The following TNKS1BP1 variants were observed in gnomAD, a reference collection of about 807,000 sequenced individuals.
TNKS1BP1 encodes 182 kDa tankyrase-1-binding protein.
In TNKS1BP1, 48 loss-of-function variants were observed where a neutral mutation model predicts 141.1. That is an observed-to-expected ratio of 0.34 (90% CI 0.27 to 0.43). The LOEUF (loss-of-function observed/expected upper bound fraction) is 0.43, where lower values mean the gene tolerates loss of function less well. TNKS1BP1 is among the 20% of genes least tolerant of loss of function. The pLI, the probability that TNKS1BP1 is intolerant of heterozygous loss-of-function variation, is 1.00. For synonymous variants in TNKS1BP1, 875 were observed against 898.2 expected, an observed-to-expected ratio of 0.97 and a Z score of 0.46; for missense variants, 2,149 against 2,226.0, an observed-to-expected ratio of 0.97 and a Z score of 0.70.
At position 57,320,620 on chromosome 11, in the gene TNKS1BP1, C is replaced by T. The variant is rs866795796; in HGVS notation, c.187G>A (p.Val63Ile). Residue 63 changes from valine to isoleucine, a missense_variant, in exon 3 of 12, where the codon GTT becomes ATT. Transcript: ENST00000358252. ...LPAKPSLLVPVGPRPPRGPLA... is the reference protein window; with the variant it reads ...LPAKPSLLVPIGPRPPRGPLA... ...GGACCCCGGGGAGGCCGAGGCCCAACAGGCACCAGCAGGCTGGGTTTGGCA... is the reference window on the plus strand; with the variant it reads ...GGACCCCGGGGAGGCCGAGGCCCAATAGGCACCAGCAGGCTGGGTTTGGCA... 6.2e-7 allele frequency: 1 copy of T among 1,613,468 alleles called. No individual in the cohort carries two copies. The highest frequency in any genetic ancestry group is 1.3e-5 in the African/African-American group (1 of 74,934).
intron 3 of TNKS1BP1, among the ~76,000 whole-genome samples, 192 bp from the exon 4 acceptor site, chr11:57,318,079 C>G (rs982697143): frequency 6.6e-6 from 1 of 152,166 alleles, no homozygotes; most frequent in African/African-American, 2.4e-5. Flanking sequence ...GGCAAGTGCC[C>G]CAGAAAACAG....
chr11:57,306,920 T>TGGGGGGGGGGGGGGG (rs1565039405), intron 6 of TNKS1BP1, among the ~76,000 whole-genome samples: 2 of 31,040 alleles, frequency 6.4e-5, no homozygotes, highest in African/African-American at 1.4e-4. Flanking sequence ...GGGGGTTGGG[T>TGGGGGGGGGGGGGGG]GGGAGGGGGG....
rs368700131 is a variant in TNKS1BP1 at position 57,317,899 on chromosome 11, G to A, written c.729-12C>T. ...CGGAAGGAAGGCTCCTGTGAGGGAC[G>A]AGGACAGGAAATGGAAGCACGGAAT... On this transcript the variant is annotated splice_polypyrimidine_tract_variant and intron_variant, in intron 3 of 11. Coordinates refer to ENST00000358252, the MANE Select transcript of TNKS1BP1 (RefSeq NM_033396.3). 45 of 1,613,080 alleles carry A rather than the reference G, an allele frequency of 2.8e-5. No homozygotes were observed. The highest frequency in any genetic ancestry group is 2.7e-4 in the East Asian group (12 of 44,844).
In TNKS1BP1 at chr11:57,309,635, C is replaced by A. The variant is rs146283892; in HGVS notation, c.3076G>T (p.Gly1026Cys). ...TGGGCAGTGCTAGGACTGAACAAGC[C>A]CCCGGATCCTCTCTCTCCTGGCCGG... The part of the protein sequence containing the change: ...AGRPGERGSG[G>C]LFSPSTAHVP... Residue 1026 changes from glycine to cysteine, a missense_variant, in exon 6 of 12, where the codon GGC becomes TGC. Physicochemically the swap from Gly to Cys is radical, Grantham distance 159. Transcript: ENST00000358252. This position sits in a 1 kb window ranked among gnomAD's most constrained non-coding sequence, Gnocchi z 4.3. The A allele has an allele frequency of 3.0e-4, 484 of 1,614,178 alleles. 4 individuals are homozygous for A. The African/African-American group carries it at 5.7e-3, about 19-fold the overall frequency.
chr11:57,321,744 T>TGGGGCCCC, intron 2 of TNKS1BP1, 48 bp downstream of exon 2: 1 of 1,039,822 alleles, frequency 9.6e-7, no homozygotes, highest in Non-Finnish European at 1.5e-6. Context: ...CCTCTGTCCT[T>TGGGGCCCC]CCCACCCCCC....
At chr11:57,300,666 T>G in intron 10 of TNKS1BP1, 66 bp from the exon 11 acceptor site, 1 of 1,604,384 alleles carries the variant, frequency 6.2e-7, no homozygotes, top group South Asian at 1.1e-5. Flanking sequence ...CAAGGAGACG[T>G]GATAGGGACA....
chr11:57,306,264 C>T (rs761006259), intron 6 of TNKS1BP1, among the ~76,000 whole-genome samples: 1 of 139,928 alleles, frequency 7.1e-6, no homozygotes, highest in Non-Finnish European at 1.5e-5. Context: ...GGAGCCTGGG[C>T]GATAGACCAA....
intron 3 of TNKS1BP1, among the ~76,000 whole-genome samples, chr11:57,318,290 G>T (rs1565045968): frequency 1.3e-5 from 2 of 152,224 alleles, no homozygotes; most frequent in South Asian, 2.1e-4. Flanking sequence ...GAATTGCAGT[G>T]GGGGAGGGGA....
chr11:57,310,812 C>T (rs1855695440), intron 5 of TNKS1BP1, among the ~76,000 whole-genome samples: 1 of 152,146 alleles, frequency 6.6e-6, no homozygotes, highest in South Asian at 2.1e-4. Context: ...CAGCATAGTG[C>T]TTGGCATGCA....
chr11:57,312,590 T>C lies in TNKS1BP1; in HGVS notation c.2098A>G (p.Arg700Gly), dbSNP rs1167559567. 6 of 1,522,418 alleles carry C rather than the reference T, an allele frequency of 3.9e-6. No homozygotes were observed. The African/African-American group carries it at 7.0e-5, about 18-fold the overall frequency. The allele number at this position is 1,522,418 out of a possible 1,614,324, so 94.3% of individuals were successfully genotyped here. A position where few individuals can be genotyped will look rare whatever the true frequency, so the allele number is the denominator to read the frequency against. The change falls in exon 5 of 12, where the codon AGG (arginine) becomes GGG (glycine). Residue 700 changes from arginine to glycine, a missense_variant. Arg to Gly is a moderately radical substitution (Grantham distance 125). Transcript: ENST00000358252. ...TTCAGCTCAGCTCCAGCTCCCCGCC[T>C]TGCACCGCCACCACTGGGTGGTGGT... ...ASPPPSGGGARRGAGAELKDT... is the reference protein window; with the variant it reads ...ASPPPSGGGAGRGAGAELKDT...
intron 3 of TNKS1BP1, 131 bp from the exon 4 acceptor site, chr11:57,318,018 T>C (rs1855824089): frequency 2.5e-6 from 2 of 793,524 alleles, no homozygotes; most frequent in South Asian, 3.2e-5. Context: ...CATTTACTCT[T>C]GAGCCCTGCC....
chr11:57,317,552 G>C (rs1289401378), intron 4 of TNKS1BP1, among the ~76,000 whole-genome samples: 1 of 152,214 alleles, frequency 6.6e-6, no homozygotes, highest in East Asian at 1.9e-4. Flanking sequence ...CACATAGTAG[G>C]GACTTAATCA....
intron 5 of TNKS1BP1, chr11:57,311,239 C>T (rs1049148343): frequency 4.1e-6 from 4 of 985,530 alleles, no homozygotes; most frequent in African/African-American, 1.7e-5. Context: ...CTGACTCACC[C>T]TTGTGGGCGG....
Position 57,302,909 on chromosome 11 carries a change from C to T in TNKS1BP1, c.4317-84G>A. ...AGCCTACTTCACAAGCTCCTTCCCCCAGCCCCCAAACTCTCCCTTGCCCTC... is the reference window on the plus strand; with the variant it reads ...AGCCTACTTCACAAGCTCCTTCCCCTAGCCCCCAAACTCTCCCTTGCCCTC... On this transcript the variant is annotated intron_variant, in intron 6 of 11. Transcript: ENST00000358252. This position sits in a 1 kb window ranked among gnomAD's most constrained non-coding sequence, Gnocchi z 5.5. The T allele has an allele frequency of 7.1e-7, 1 of 1,411,180 alleles. No homozygotes were observed. The highest frequency in any genetic ancestry group is 1.6e-5 in the South Asian group (1 of 63,200). The allele number at this position is 1,411,180 out of a possible 1,614,324, so 87.4% of individuals were successfully genotyped here.
chr11:57,304,546 G>A (rs150065976), intron 6 of TNKS1BP1, among the ~76,000 whole-genome samples: 3,784 of 152,230 alleles, frequency 0.025, 69 homozygotes, highest in Middle Eastern at 0.055. Context: ...CCCTGGGGTG[G>A]GGCAAAAGAA....
chr11:57,313,560 C>A lies in TNKS1BP1; in HGVS notation c.1128G>T (p.Glu376Asp). Residue 376 changes from glutamate (E) to aspartate (D), a missense_variant, in exon 5 of 12, where the codon GAG (glutamate) becomes GAT (aspartate). Transcript: ENST00000358252. ...CAGGGGGCTGATCCAGGCTATGGGGCTCCAAGACCTCAGGGGGTGGGCTGC... is the reference window on the plus strand; with the variant it reads ...CAGGGGGCTGATCCAGGCTATGGGGATCCAAGACCTCAGGGGGTGGGCTGC... ...RPSSPPPEVL[E>D]PHSLDQPPAT... 6.3e-7 allele frequency: 1 copy of A among 1,581,656 alleles called. No individual in the cohort carries two copies. The highest frequency in any genetic ancestry group is 1.2e-5 in the South Asian group (1 of 85,230).
chr11:57,312,119 G>C (rs1314189531), intron 5 of TNKS1BP1, among the ~76,000 whole-genome samples: 1 of 152,032 alleles, frequency 6.6e-6, no homozygotes, highest in Non-Finnish European at 1.5e-5. Flanking sequence ...AGGAGCCCAC[G>C]CTCTAAATGG....
Position 57,302,405 on chromosome 11 carries a change from C to CT in TNKS1BP1, c.4683+53dup. The CT allele has an allele frequency of 5.2e-6, 8 of 1,548,182 alleles. No homozygotes were observed. Among genetic ancestry groups the CT allele is most frequent in the Non-Finnish European group, 7.0e-6 (8 of 1,142,660 alleles). ...GCTCAGGGAAGCTCCAGGAATGGGG[C>CT]TCTCGCTGCATCGCCCTCACCCACC... On this transcript the variant is annotated intron_variant, in intron 7 of 11. Transcript: ENST00000358252. The surrounding 1 kb of genome is among the most constrained non-coding windows in gnomAD (Gnocchi z 5.5).
In TNKS1BP1 at chr11:57,324,917, G is replaced by A. The variant is rs934128149; in HGVS notation, c.-143C>T. 9 of 992,498 alleles carry A rather than the reference G, an allele frequency of 9.1e-6. No individual in the cohort carries two copies. The African/African-American group carries it at 1.6e-4, about 17-fold the overall frequency. 61.5% of individuals were successfully genotyped at this position (992,498 alleles called of 1,614,324 possible). A position where few individuals can be genotyped will look rare whatever the true frequency, so the allele number is the denominator to read the frequency against. On this transcript the variant is annotated 5_prime_UTR_variant, in exon 1 of 12. Transcript: ENST00000358252. Reference sequence around the variant, plus strand: ...CGCCGCCGCCGCCGCTGCTACCGCCGCCGCCGCCGCCGTCACCGCGGGACG... The same window carrying A: ...CGCCGCCGCCGCCGCTGCTACCGCCACCGCCGCCGCCGTCACCGCGGGACG...
Sources: gnomAD v4.1 joint callset for allele counts (sites outside exome capture counted in the v4.1 genomes callset) on GRCh38, gnomAD v4.1.1 for gene constraint, Gnocchi (gnomAD v3.1) non-coding constraint, MANE v1.5 for transcripts, NCBI Gene and HGNC (gene_info 2026-07-23, HGNC 2026-07-21) for gene names.